The following NRG3 variants were observed in gnomAD, a reference collection of about 807,000 sequenced individuals.
The protein encoded by NRG3 is neuregulin 3, also known as pro-neuregulin-3, membrane-bound isoform.
Under a neutral mutation model 66.9 loss-of-function variants are expected in NRG3, and 31 were observed. The observed-to-expected ratio is 0.46, with a 90% CI of 0.35 to 0.63. The LOEUF is 0.63. NRG3 is among the 20% of genes least tolerant of loss of function. The probability of loss-of-function intolerance (pLI) is 0.00; values close to 1 mark genes in which losing one functional copy is unlikely to be tolerated. For synonymous variants in NRG3, 393 were observed against 359.4 expected, an observed-to-expected ratio of 1.09 and a Z score of -1.06; for missense variants, 910 against 878.9, an observed-to-expected ratio of 1.04 and a Z score of -0.45.
At chr10:82,524,553 T>G (rs1286629493) in intron 2 of NRG3, among the ~76,000 whole-genome samples, 1 of 151,862 alleles carries the variant, frequency 6.6e-6, no homozygotes, top group Non-Finnish European at 1.5e-5. Flanking sequence ...TAACTCATAA[T>G]TTTTCATTTA....
chr10:82,374,829 T>C (rs758422902), intron 2 of NRG3, among the ~76,000 whole-genome samples: 27 of 152,308 alleles, frequency 1.8e-4, no homozygotes, highest in Non-Finnish European at 3.5e-4. Context: ...CCAGCAATTA[T>C]GCCAGAGCAA....
At chr10:82,231,498 T>G (rs1159526187) in intron 1 of NRG3, among the ~76,000 whole-genome samples, 1 of 151,988 alleles carries the variant, frequency 6.6e-6, no homozygotes, top group Non-Finnish European at 1.5e-5. Context: ...AACCTAGTAT[T>G]ATCATGAGGC....
At chr10:82,783,655 G>A (rs1404884148) in intron 3 of NRG3, among the ~76,000 whole-genome samples, 10 of 152,176 alleles carry the variant, frequency 6.6e-5, no homozygotes, top group South Asian at 2.1e-4. Flanking sequence ...TACAAGGGAC[G>A]TGAAGGACCT....
chr10:82,196,790 C>G (rs1372871738), intron 1 of NRG3, among the ~76,000 whole-genome samples: 1 of 152,068 alleles, frequency 6.6e-6, no homozygotes, highest in Admixed American at 6.6e-5. Flanking sequence ...CAGGAATGCC[C>G]ATATAATTGG....
At chr10:82,303,409 T>C (rs2080526041) in intron 1 of NRG3, among the ~76,000 whole-genome samples, 1 of 151,970 alleles carries the variant, frequency 6.6e-6, no homozygotes, top group Non-Finnish European at 1.5e-5. Context: ...CCAATTCATC[T>C]GAGGACTCTA....
intron 2 of NRG3, among the ~76,000 whole-genome samples, chr10:82,686,146 G>A (rs1320275355): frequency 6.6e-6 from 1 of 151,244 alleles, no homozygotes; most frequent in East Asian, 1.9e-4. Context: ...CAAATATTAT[G>A]TACTGTACAG....
intron 1 of NRG3, among the ~76,000 whole-genome samples, chr10:82,141,445 T>C (rs893110872): frequency 6.6e-6 from 1 of 152,146 alleles, no homozygotes; most frequent in African/African-American, 2.4e-5. Context: ...CTGCTGCCTA[T>C]GGACTTGAGT....
rs138732935 is a variant in NRG3, at chr10:82,257,453, T to A, written c.824-101286T>A. 3.8e-3 allele frequency among the ~76,000 whole-genome samples: 571 copies of A among 152,060 alleles called. 3 individuals are homozygous for A. The highest frequency in any genetic ancestry group is 0.013 in the African/African-American group (538 of 41,498). ...TTTGTAGGAGTGATTAGCAAACATT[T>A]ATAAATACAAAAAAAAAAGTTATTA... On this transcript the variant is annotated intron_variant, in intron 1 of 8. Transcript: ENST00000372141.
At chr10:82,741,486 G>T (rs944738766) in intron 3 of NRG3, among the ~76,000 whole-genome samples, 3 of 152,172 alleles carry the variant, frequency 2.0e-5, no homozygotes, top group African/African-American at 7.2e-5. Context: ...GCCAGATAAT[G>T]TCAGCCCACT....
At chr10:82,427,338 G>A (rs2089514960) in intron 2 of NRG3, among the ~76,000 whole-genome samples, 1 of 152,118 alleles carries the variant, frequency 6.6e-6, no homozygotes, top group South Asian at 2.1e-4. Flanking sequence ...CCTTATGAGT[G>A]TGTGAAAGTT....
At chr10:82,773,628 A>G (rs1253910188) in intron 3 of NRG3, among the ~76,000 whole-genome samples, 1 of 151,788 alleles carries the variant, frequency 6.6e-6, no homozygotes, top group African/African-American at 2.4e-5. Context: ...TGTAGCTTGA[A>G]ATTTACTTTT....
chr10:82,761,925 T>C (rs1400642338), intron 3 of NRG3, among the ~76,000 whole-genome samples: 3 of 73,322 alleles, frequency 4.1e-5, no homozygotes, highest in Non-Finnish European at 8.9e-5. Context: ...TTTCTTTCTC[T>C]TTCTTTCTTT....
chr10:82,184,638 C>T (rs1015030155), intron 1 of NRG3, among the ~76,000 whole-genome samples: 1 of 152,126 alleles, frequency 6.6e-6, no homozygotes, highest in African/African-American at 2.4e-5. Context: ...CATTCACTTT[C>T]TGGAGACAAT....
At chr10:82,856,519 C>T (rs539648614) in intron 3 of NRG3, among the ~76,000 whole-genome samples, 15 of 151,852 alleles carry the variant, frequency 9.9e-5, no homozygotes, top group Admixed American at 2.6e-4. Flanking sequence ...CCAAGGTGGG[C>T]GGATCACTTA....
intron 2 of NRG3, among the ~76,000 whole-genome samples, chr10:82,646,236 G>A (rs905449996): frequency 2.5e-4 from 38 of 152,132 alleles, no homozygotes; most frequent in Admixed American, 2.5e-3. Context: ...TACAGAGGCA[G>A]GCAGATGAGG....
At chr10:82,522,474 C>G (rs1004140688) in intron 2 of NRG3, among the ~76,000 whole-genome samples, 1 of 152,146 alleles carries the variant, frequency 6.6e-6, no homozygotes, top group African/African-American at 2.4e-5. Context: ...ATAATAACAT[C>G]AAAAATCGCT....
At chr10:82,339,718 A>G (rs955625853) in intron 1 of NRG3, among the ~76,000 whole-genome samples, 1 of 152,032 alleles carries the variant, frequency 6.6e-6, no homozygotes, top group Non-Finnish European at 1.5e-5. Context: ...TGCTCTTTTG[A>G]CTTTTAATAT....
chr10:82,813,376 G>A (rs2135519632), intron 3 of NRG3, among the ~76,000 whole-genome samples: 1 of 151,766 alleles, frequency 6.6e-6, no homozygotes, highest in Non-Finnish European at 1.5e-5. Flanking sequence ...ACCACACCTG[G>A]CTAATTTTTG....
intron 2 of NRG3, among the ~76,000 whole-genome samples, chr10:82,644,038 T>C (rs920907845): frequency 2.0e-5 from 3 of 152,152 alleles, no homozygotes; most frequent in Non-Finnish European, 4.4e-5. Flanking sequence ...CAGTGATAAG[T>C]CCTTTTGCTT....
Sources: allele counts gnomAD v4.1 joint callset (sites outside exome capture counted in the v4.1 genomes callset), GRCh38; gene constraint gnomAD v4.1.1; transcripts MANE v1.5; gene names NCBI Gene and HGNC (gene_info 2026-07-23, HGNC 2026-07-21).